Variants in BLTP3B observed in about 807,000 individuals in gnomAD.
The protein encoded by BLTP3B is bridge-like lipid transfer protein family member 3B.
the BLTP3B span, among the ~76,000 whole-genome samples, chr12:100,078,531 T>G: frequency 6.6e-6 from 1 of 152,156 alleles, no homozygotes; most frequent in African/African-American, 2.4e-5. Context: ...TGGCCACACT[T>G]GATAGCCTAG....
At chr12:100,121,480 G>A in the BLTP3B span, among the ~76,000 whole-genome samples, 2 of 152,126 alleles carry the variant, frequency 1.3e-5, no homozygotes, top group Non-Finnish European at 2.9e-5. Context: ...AACTTTTGAG[G>A]GTGGTGAATA....
the BLTP3B span, among the ~76,000 whole-genome samples, chr12:100,138,358 T>C: frequency 1.3e-5 from 2 of 152,212 alleles, no homozygotes; most frequent in African/African-American, 4.8e-5. Flanking sequence ...ACAACTTTAC[T>C]AGCACAGAAC....
the BLTP3B span, among the ~76,000 whole-genome samples, chr12:100,078,677 T>A: frequency 6.6e-6 from 1 of 152,332 alleles, no homozygotes; most frequent in South Asian, 2.1e-4. Context: ...TATATAGGGT[T>A]CCACATCCTT....
At chr12:100,128,878 T>C in the BLTP3B span, among the ~76,000 whole-genome samples, 1 of 152,186 alleles carries the variant, frequency 6.6e-6, no homozygotes, top group Non-Finnish European at 1.5e-5. Context: ...GCAAACTGCC[T>C]AAATTCTAAG....
the BLTP3B span, among the ~76,000 whole-genome samples, chr12:100,055,947 C>G: frequency 6.6e-6 from 1 of 152,124 alleles, no homozygotes; most frequent in African/African-American, 2.4e-5. Flanking sequence ...ATACTATTGA[C>G]AGAATTGTGA....
chr12:100,090,811 T>A, the BLTP3B span, among the ~76,000 whole-genome samples: 4 of 152,192 alleles, frequency 2.6e-5, no homozygotes, highest in African/African-American at 9.6e-5. Context: ...ATAACAAGAC[T>A]GTATTTATGT....
chr12:100,124,015 A>C, the BLTP3B span, among the ~76,000 whole-genome samples: 1 of 152,048 alleles, frequency 6.6e-6, no homozygotes, highest in Admixed American at 6.6e-5. Flanking sequence ...TGTACCCACA[A>C]CACTTTGGAA....
At chr12:100,100,317 T>A in the BLTP3B span, among the ~76,000 whole-genome samples, 4 of 151,624 alleles carry the variant, frequency 2.6e-5, no homozygotes. Flanking sequence ...AAAATAAAAA[T>A]AAAAAAATAA....
the BLTP3B span, among the ~76,000 whole-genome samples, chr12:100,124,541 G>A: frequency 1.3e-5 from 2 of 151,100 alleles, no homozygotes; most frequent in South Asian, 2.1e-4. Flanking sequence ...TCAGGAGTTC[G>A]AGACCAGCCT....
the BLTP3B span, among the ~76,000 whole-genome samples, chr12:100,135,389 C>T: frequency 1.3e-5 from 2 of 151,882 alleles, no homozygotes; most frequent in Non-Finnish European, 2.9e-5. Context: ...CCATCTCAGC[C>T]TCTCTAGTAG....
chr12:100,050,173 G>A, the BLTP3B span: 6 of 1,500,598 alleles, frequency 4.0e-6, no homozygotes, highest in East Asian at 1.5e-4. Flanking sequence ...CTTACCAACT[G>A]GACGATTACA....
At chr12:100,104,068 C>G in the BLTP3B span, 11 of 636,074 alleles carry the variant, frequency 1.7e-5, no homozygotes, top group Non-Finnish European at 2.4e-5. Flanking sequence ...TATAAAATCA[C>G]TTTTCTTAAA....
chr12:100,138,551 T>C, the BLTP3B span, among the ~76,000 whole-genome samples: 8 of 152,228 alleles, frequency 5.3e-5, no homozygotes, highest in African/African-American at 9.6e-5. Flanking sequence ...CCTCCAAGTC[T>C]TGACAATTAA....
the BLTP3B span, among the ~76,000 whole-genome samples, chr12:100,139,349 G>GAAGGGCATTTTTA: frequency 2.0e-5 from 3 of 152,146 alleles, no homozygotes; most frequent in Admixed American, 2.0e-4. Flanking sequence ...AGGCAAAGAT[G>GAAGGGCATTTTTA]GTTTTAATCT....
chr12:100,063,400 C>T, the BLTP3B span, among the ~76,000 whole-genome samples: 3 of 152,072 alleles, frequency 2.0e-5, no homozygotes, highest in African/African-American at 7.2e-5. Flanking sequence ...AGAATCCACA[C>T]CCACAGGAAG....
the BLTP3B span, among the ~76,000 whole-genome samples, chr12:100,038,987 T>C: frequency 1.6e-4 from 24 of 152,330 alleles, no homozygotes; most frequent in South Asian, 4.3e-3. Context: ...TTGAACACTC[T>C]TGTCCCACTA....
chr12:100,081,851 G>T, the BLTP3B span, among the ~76,000 whole-genome samples: 1 of 152,146 alleles, frequency 6.6e-6, no homozygotes, highest in African/African-American at 2.4e-5. Flanking sequence ...CTTTGTTATT[G>T]TGAATAGTGC....
chr12:100,038,913 G>A, the BLTP3B span, among the ~76,000 whole-genome samples: 1 of 152,152 alleles, frequency 6.6e-6, no homozygotes, highest in Non-Finnish European at 1.5e-5. Flanking sequence ...ACCAAGTGAG[G>A]TAGTTTCCTA....
the BLTP3B span, among the ~76,000 whole-genome samples, chr12:100,087,373 T>A: frequency 7.9e-5 from 12 of 152,158 alleles, no homozygotes; most frequent in Admixed American, 7.9e-4. Context: ...CTATATTAAT[T>A]TGTAAAATCC....
Sources: allele counts gnomAD v4.1 joint callset (sites outside exome capture counted in the v4.1 genomes callset), GRCh38; gene constraint gnomAD v4.1.1; transcripts MANE v1.5; gene names NCBI Gene and HGNC (gene_info 2026-07-23, HGNC 2026-07-21).